The following SEMA6D variants were observed in gnomAD, a reference collection of about 807,000 sequenced individuals.
SEMA6D encodes the protein semaphorin 6D, also known as semaphorin-6D.
Under a neutral mutation model 106.6 loss-of-function variants are expected in SEMA6D, and 35 were observed. The observed-to-expected ratio is 0.33, with a 90% confidence interval of 0.25 to 0.44. SEMA6D has a LOEUF of 0.44. Among genes scored for constraint, SEMA6D ranks in the 20% least tolerant of loss-of-function variants. The pLI is 1.00. For synonymous variants in SEMA6D, 499 were observed against 487.7 expected, an observed-to-expected ratio of 1.02 and a Z score of -0.31; for missense variants, 1,185 against 1,345.9, an observed-to-expected ratio of 0.88 and a Z score of 1.87.
At chr15:47,577,791 C>T (rs754973125) in intron 3 of SEMA6D, among the ~76,000 whole-genome samples, 1 of 152,176 alleles carries the variant, frequency 6.6e-6, no homozygotes, top group Non-Finnish European at 1.5e-5. Context: ...TGTTCTCTGC[C>T]TCAGCAAGGA....
chr15:47,613,861 G>A (rs1048937147), intron 4 of SEMA6D, among the ~76,000 whole-genome samples: 7 of 151,846 alleles, frequency 4.6e-5, no homozygotes, highest in Non-Finnish European at 1.0e-4. Context: ...GGGTTTCACC[G>A]TGGTCTCAAT....
chr15:47,472,599 A>G (rs1223136804), intron 3 of SEMA6D, among the ~76,000 whole-genome samples: 2 of 152,310 alleles, frequency 1.3e-5, no homozygotes, highest in Middle Eastern at 3.4e-3. Context: ...TGTGGCATTA[A>G]TCTTGTGGTT....
chr15:47,329,933 A>C (rs1267566221), intron 1 of SEMA6D, among the ~76,000 whole-genome samples: 3 of 152,200 alleles, frequency 2.0e-5, no homozygotes, highest in Non-Finnish European at 4.4e-5. Flanking sequence ...CTTTGTGATC[A>C]GCTTCCTGCC....
intron 1 of SEMA6D, among the ~76,000 whole-genome samples, chr15:47,222,859 A>C (rs1213695701): frequency 6.6e-6 from 1 of 152,196 alleles, no homozygotes; most frequent in African/African-American, 2.4e-5. Flanking sequence ...TCCTGATACC[A>C]GGAGCTCAAT....
chr15:47,272,870 G>A (rs1232326813), intron 1 of SEMA6D: 3 of 152,176 alleles, frequency 2.0e-5, no homozygotes, highest in Non-Finnish European at 4.4e-5. Flanking sequence ...TGCTTTGCTG[G>A]AAATTTTTGT....
chr15:47,207,522 G>C (rs1289748859), intron 1 of SEMA6D, among the ~76,000 whole-genome samples: 1 of 152,122 alleles, frequency 6.6e-6, no homozygotes, highest in African/African-American at 2.4e-5. Flanking sequence ...ACCTATTTAT[G>C]AATCAGGCAC....
At chr15:47,730,633 T>A in intron 1 of SEMA6D, 1 of 1,588,064 alleles carries the variant, frequency 6.3e-7, no homozygotes, top group South Asian at 1.1e-5. Context: ...TTGTCTCTGG[T>A]CTGTACTTGT....
At chr15:47,430,176 C>A (rs1183416735) in intron 2 of SEMA6D, among the ~76,000 whole-genome samples, 1 of 151,948 alleles carries the variant, frequency 6.6e-6, no homozygotes, top group African/African-American at 2.4e-5. Context: ...TCTTTTTTTC[C>A]CACTTCACAT....
intron 1 of SEMA6D, among the ~76,000 whole-genome samples, chr15:47,297,919 T>C (rs937387080): frequency 1.3e-5 from 2 of 152,050 alleles, no homozygotes; most frequent in African/African-American, 4.8e-5. Flanking sequence ...GGACAGAAGG[T>C]AAATCATTGT....
chr15:47,757,247 C>T (rs773835542), intron 1 of SEMA6D, among the ~76,000 whole-genome samples: 3 of 152,126 alleles, frequency 2.0e-5, no homozygotes, highest in Non-Finnish European at 2.9e-5. Flanking sequence ...AGACACAGAA[C>T]GATCTTTTTG....
At chr15:47,261,301 C>T (rs2124132) in intron 1 of SEMA6D, among the ~76,000 whole-genome samples, 113,504 of 152,052 alleles carry the variant, frequency 0.75, 45,465 homozygotes, top group Non-Finnish European at 0.91. Flanking sequence ...ACCTGTAACC[C>T]GACCTGCCAG....
chr15:47,196,654 A>C (rs540576922), intron 1 of SEMA6D, among the ~76,000 whole-genome samples: 1 of 152,222 alleles, frequency 6.6e-6, no homozygotes, highest in Non-Finnish European at 1.5e-5. Context: ...TTTTGAAAGC[A>C]TGCAGGCAGA....
intron 3 of SEMA6D, among the ~76,000 whole-genome samples, chr15:47,491,586 TTAATG>T (rs1314409518): frequency 1.3e-5 from 2 of 152,172 alleles, no homozygotes; most frequent in African/African-American, 4.8e-5. Flanking sequence ...AAGGTGCTCA[TTAATG>T]TAAGTGAATG....
chr15:47,569,589 G>C (rs2046324073), intron 3 of SEMA6D, among the ~76,000 whole-genome samples: 1 of 152,082 alleles, frequency 6.6e-6, no homozygotes, highest in African/African-American at 2.4e-5. Flanking sequence ...AGGGCACCCT[G>C]TAGGTCCCCA....
chr15:47,285,254 G>C (rs66759488), intron 1 of SEMA6D, among the ~76,000 whole-genome samples: 7 of 151,130 alleles, frequency 4.6e-5, no homozygotes, highest in Admixed American at 4.0e-4. Context: ...CTCTCTCTCT[G>C]TCTCTCTGTC....
At chr15:47,764,477 A>G (rs1300752189) in intron 11 of SEMA6D, among the ~76,000 whole-genome samples, 161 bp from the exon 12 acceptor site, 1 of 152,158 alleles carries the variant, frequency 6.6e-6, no homozygotes, top group African/African-American at 2.4e-5. Flanking sequence ...GTGTGAATGG[A>G]GAACCCATTG....
intron 1 of SEMA6D, among the ~76,000 whole-genome samples, chr15:47,353,077 G>A (rs1450607987): frequency 6.6e-6 from 1 of 152,110 alleles, no homozygotes; most frequent in African/African-American, 2.4e-5. Context: ...GTGTGTGTGT[G>A]TGTGTATGTA....
intron 3 of SEMA6D, among the ~76,000 whole-genome samples, chr15:47,471,791 A>C (rs2042847007): frequency 6.6e-6 from 1 of 152,086 alleles, no homozygotes; most frequent in Non-Finnish European, 1.5e-5. Context: ...ATGTCTATGA[A>C]AGAAAATGCC....
intron 1 of SEMA6D, among the ~76,000 whole-genome samples, chr15:47,283,063 T>C (rs1308564151): frequency 6.6e-6 from 1 of 152,138 alleles, no homozygotes; most frequent in African/African-American, 2.4e-5. Flanking sequence ...AAACTTTTAG[T>C]CCTGGTTTCT....
Sources: gnomAD v4.1 joint callset for allele counts (sites outside exome capture counted in the v4.1 genomes callset) on GRCh38, gnomAD v4.1.1 for gene constraint, MANE v1.5 for transcripts, NCBI Gene and HGNC (gene_info 2026-07-23, HGNC 2026-07-21) for gene names.